Variants in GPR39 observed in about 807,000 individuals in gnomAD.
GPR39 encodes G protein-coupled receptor 39.
Under a neutral mutation model 18.4 loss-of-function variants are expected in GPR39, and 23 were observed. The observed-to-expected ratio is 1.25, with a 90% CI of 0.90 to 1.77. The LOEUF is 1.77. GPR39 is among the 40% of genes most tolerant of loss of function. The pLI is 0.00. For missense variants in GPR39, 647 were observed against 602.4 expected, an observed-to-expected ratio of 1.07 and a Z score of -0.78; for synonymous variants, 280 against 257.9, an observed-to-expected ratio of 1.09 and a Z score of -0.82.
intron 1 of GPR39, among the ~76,000 whole-genome samples, chr2:132,441,413 G>C (rs1162395064): frequency 1.3e-5 from 2 of 150,718 alleles, no homozygotes; most frequent in Non-Finnish European, 2.9e-5. Flanking sequence ...TGTTGTTGCA[G>C]ATAGCAAATG....
intron 1 of GPR39, among the ~76,000 whole-genome samples, chr2:132,494,983 C>G (rs1302064776): frequency 6.6e-6 from 1 of 152,094 alleles, no homozygotes; most frequent in African/African-American, 2.4e-5. Flanking sequence ...AGGGAGCACC[C>G]TGAGGGGATA....
At chr2:132,582,638 C>G (rs1021976144) in intron 1 of GPR39, among the ~76,000 whole-genome samples, 4 of 152,144 alleles carry the variant, frequency 2.6e-5, no homozygotes, top group African/African-American at 9.7e-5. Context: ...GGTCAAGGTG[C>G]CTGAGCAGCC....
intron 1 of GPR39, among the ~76,000 whole-genome samples, chr2:132,561,098 T>G (rs1680244383): frequency 6.6e-6 from 1 of 151,634 alleles, no homozygotes. Context: ...ATTTTTTTTT[T>G]CAGTAGAGAA....
chr2:132,511,890 CTA>C (rs1679247368), intron 1 of GPR39, among the ~76,000 whole-genome samples: 1 of 44,932 alleles, frequency 2.2e-5, no homozygotes, highest in Non-Finnish European at 5.8e-5. Context: ...CAGGCAGACT[CTA>C]TACATTGAAC....
At chr2:132,625,130 T>A (rs1293595438) in intron 1 of GPR39, among the ~76,000 whole-genome samples, 8 of 152,002 alleles carry the variant, frequency 5.3e-5, no homozygotes, top group African/African-American at 1.9e-4. Flanking sequence ...CTTTTTGCTT[T>A]GCTTCTACGT....
At chr2:132,542,816 G>A (rs1679885034) in intron 1 of GPR39, among the ~76,000 whole-genome samples, 5 of 152,200 alleles carry the variant, frequency 3.3e-5, no homozygotes, top group Admixed American at 2.0e-4. Flanking sequence ...CTCTGTGGCA[G>A]TAGGGTCCCC....
intron 1 of GPR39, among the ~76,000 whole-genome samples, chr2:132,460,349 G>A (rs898186950): frequency 1.3e-5 from 2 of 152,152 alleles, no homozygotes; most frequent in African/African-American, 4.8e-5. Context: ...AGATGAATCT[G>A]ATGTGTCTGA....
chr2:132,493,073 C>CAA (rs1681533484), intron 1 of GPR39, among the ~76,000 whole-genome samples: 1 of 8,058 alleles, frequency 1.2e-4, no homozygotes, highest in Admixed American at 3.6e-3. Flanking sequence ...CATATATATA[C>CAA]CACATATATA....
intron 1 of GPR39, among the ~76,000 whole-genome samples, chr2:132,453,040 C>G (rs1680658315): frequency 1.3e-5 from 2 of 152,274 alleles, no homozygotes; most frequent in South Asian, 4.1e-4. Flanking sequence ...GTTCTACATC[C>G]TTGAGGAATC....
In GPR39 at chr2:132,532,143, T is replaced by C. The variant is rs1344378013; in HGVS notation, c.857-112958T>C. Among the ~76,000 whole-genome samples, 10 of 151,920 alleles carry C rather than the reference T, an allele frequency of 6.6e-5. 1 individual carries two copies. The highest frequency in any genetic ancestry group is 2.4e-4 in the African/African-American group (10 of 41,432). ...AGAGAGAAGAATCAAATAGACACAATAAAAAATGACAAAGGGGATATCACC... is the reference window on the plus strand; with the variant it reads ...AGAGAGAAGAATCAAATAGACACAACAAAAAATGACAAAGGGGATATCACC... On this transcript the variant is annotated intron_variant, in intron 1 of 1. Coordinates refer to ENST00000329321, the MANE Select transcript of GPR39 (RefSeq NM_001508.3).
chr2:132,523,006 G>C (rs993965225), intron 1 of GPR39, among the ~76,000 whole-genome samples: 1 of 152,230 alleles, frequency 6.6e-6, no homozygotes, highest in African/African-American at 2.4e-5. Context: ...ATACAGGGCA[G>C]AGCCCTCTGA....
chr2:132,499,593 C>T (rs1187682328), intron 1 of GPR39, among the ~76,000 whole-genome samples: 1 of 151,642 alleles, frequency 6.6e-6, no homozygotes, highest in Non-Finnish European at 1.5e-5. Context: ...ATTGTTTTTC[C>T]TAGTTAAGAA....
chr2:132,584,324 C>A (rs115199317), intron 1 of GPR39, among the ~76,000 whole-genome samples: 2,232 of 152,246 alleles, frequency 0.015, 60 homozygotes, highest in African/African-American at 0.051. Flanking sequence ...CTCTCTCAGG[C>A]AAACAGATGG....
intron 1 of GPR39, among the ~76,000 whole-genome samples, chr2:132,525,265 G>A (rs1199390581): frequency 1.3e-5 from 2 of 152,220 alleles, no homozygotes; most frequent in African/African-American, 4.8e-5. Context: ...TGAAGGCTCA[G>A]CTTGGCCATT....
chr2:132,513,058 C>T (rs1679268265), intron 1 of GPR39, among the ~76,000 whole-genome samples: 1 of 152,110 alleles, frequency 6.6e-6, no homozygotes, highest in Non-Finnish European at 1.5e-5. Flanking sequence ...TAGCTGGGCT[C>T]CTGGGTCGGT....
chr2:132,589,632 T>TCC (rs1680794269), intron 1 of GPR39, among the ~76,000 whole-genome samples: 1 of 152,186 alleles, frequency 6.6e-6, no homozygotes, highest in African/African-American at 2.4e-5. Flanking sequence ...ACACAGCTAG[T>TCC]TTATGGAGCC....
chr2:132,572,282 G>A (rs1021439838), intron 1 of GPR39, among the ~76,000 whole-genome samples: 3 of 152,082 alleles, frequency 2.0e-5, no homozygotes, highest in Non-Finnish European at 4.4e-5. Flanking sequence ...AAGTCATATG[G>A]GCTACCTATT....
intron 1 of GPR39, among the ~76,000 whole-genome samples, chr2:132,517,151 G>C (rs1679349961): frequency 6.6e-6 from 1 of 151,712 alleles, no homozygotes; most frequent in African/African-American, 2.4e-5. Flanking sequence ...GTGTGTTTAG[G>C]GGTGTGTGTG....
intron 1 of GPR39, among the ~76,000 whole-genome samples, chr2:132,557,799 A>G (rs1402743651): frequency 6.6e-6 from 1 of 152,214 alleles, no homozygotes; most frequent in African/African-American, 2.4e-5. Context: ...TTGTGAAAAC[A>G]TGAATTTACA....
Sources: allele counts gnomAD v4.1 joint callset (sites outside exome capture counted in the v4.1 genomes callset), GRCh38; gene constraint gnomAD v4.1.1; transcripts MANE v1.5; gene names NCBI Gene and HGNC (gene_info 2026-07-23, HGNC 2026-07-21).